Variants in WDR44 observed in about 807,000 individuals in gnomAD.
WDR44 encodes the protein WD repeat domain 44, also known as WD repeat-containing protein 44.
Under a neutral mutation model 65.7 loss-of-function variants are expected in WDR44, and 9 were observed. That is an observed-to-expected ratio of 0.14 (90% CI 0.08 to 0.24). WDR44 has a LOEUF of 0.24. Ranked by LOEUF, WDR44 falls within the 10% of genes least tolerant of loss-of-function variation. WDR44 has a pLI of 1.00. For missense variants in WDR44, 425 were observed against 670.9 expected (o/e 0.63, Z 4.05); for synonymous variants, 220 against 235.2 (o/e 0.94, Z 0.59).
At chrX:118,420,419 A>C (rs1202458374) in intron 12 of WDR44, among the ~76,000 whole-genome samples, 1 of 109,395 alleles carries the variant, frequency 9.1e-6, no homozygotes, top group Non-Finnish European at 1.9e-5. Flanking sequence ...TGCCCAGCTA[A>C]TTTTTGTGTT....
At chrX:118,382,759 A>G (rs536969197) in intron 2 of WDR44, among the ~76,000 whole-genome samples, 1 of 112,223 alleles carries the variant, frequency 8.9e-6, no homozygotes, top group African/African-American at 3.2e-5. Flanking sequence ...TAACTGTTAC[A>G]TGAATTGCTG....
At chrX:118,402,290 C>T (rs1477133661) in intron 8 of WDR44, among the ~76,000 whole-genome samples, 1 of 107,256 alleles carries the variant, frequency 9.3e-6, no homozygotes, top group Non-Finnish European at 1.9e-5. Flanking sequence ...AAAAAATTAG[C>T]TGGGCATGGT....
At chrX:118,424,295 ATG>A (rs2057132635) in intron 12 of WDR44, among the ~76,000 whole-genome samples, 1 of 64,046 alleles carries the variant, frequency 1.6e-5, no homozygotes, top group African/African-American at 1.3e-4. Flanking sequence ...GTGTGTGTGT[ATG>A]TGTATATATA....
chrX:118,380,765 A>G (rs181341007), intron 2 of WDR44, among the ~76,000 whole-genome samples: 1 of 112,267 alleles, frequency 8.9e-6, no homozygotes, highest in East Asian at 2.8e-4. Context: ...GTTAACTGCC[A>G]CAAGGGGTTT....
chrX:118,444,963 C>T, intron 19 of WDR44: 1 of 329,830 alleles, frequency 3.0e-6, no homozygotes, highest in Non-Finnish European at 5.9e-6. Flanking sequence ...TATATTTCCT[C>T]AAAGTTTTAC....
chrX:118,378,884 A>C (rs1358377488), intron 2 of WDR44, among the ~76,000 whole-genome samples: 1 of 104,663 alleles, frequency 9.6e-6, no homozygotes, highest in Admixed American at 1.1e-4. Context: ...AAAAAAAAAA[A>C]CACACAAAAA....
rs5956050 is a variant in WDR44, at chrX:118,393,057, C to G, written c.612C>G (p.Ala204=). The G allele has an allele frequency of 7.4e-6, 9 of 1,211,418 alleles. No homozygotes were observed. The highest frequency in any genetic ancestry group is 2.2e-5 in the Admixed American group (1 of 45,983). Residue 204 remains alanine (A), a synonymous_variant, in exon 4 of 20, where the codon GCC becomes GCG. Coordinates refer to ENST00000254029, the MANE Select transcript of WDR44 (RefSeq NM_019045.5). ...SSDSLSTKDF[A]AVEEVAPAKP... is the part of the protein sequence containing the mutation. The stretch of plus-strand genomic sequence containing the variant: ...ACTCCTTATCTACTAAAGATTTTGC[C>G]GCTGTGGAAGAAGTGGCCCCTGCCA...
At chrX:118,424,581 T>TA (rs1017497668) in intron 12 of WDR44, among the ~76,000 whole-genome samples, 1 of 109,632 alleles carries the variant, frequency 9.1e-6, no homozygotes, top group Non-Finnish European at 1.9e-5. Context: ...AGGGGTTTCT[T>TA]ACATATTTTA....
intron 15 of WDR44, among the ~76,000 whole-genome samples, chrX:118,441,837 T>A (rs2057307172): frequency 8.9e-6 from 1 of 111,859 alleles, no homozygotes; most frequent in Non-Finnish European, 1.9e-5. Flanking sequence ...ACCTCCTGGA[T>A]TCAAGTGATT....
intron 1 of WDR44, among the ~76,000 whole-genome samples, chrX:118,349,143 A>G (rs1431375928): frequency 8.9e-6 from 1 of 112,150 alleles, no homozygotes; most frequent in East Asian, 2.8e-4. Flanking sequence ...CTACTTTTCT[A>G]CAGTGGCAGA....
chrX:118,369,630 GA>G (rs2056594539), intron 1 of WDR44, among the ~76,000 whole-genome samples: 1 of 106,251 alleles, frequency 9.4e-6, no homozygotes, highest in African/African-American at 3.5e-5. Flanking sequence ...CACCACGCCT[GA>G]CTAATTTTTT....
At chrX:118,373,153 ATATAAAAC>A (rs2056629214) in intron 1 of WDR44, among the ~76,000 whole-genome samples, 1 of 111,277 alleles carries the variant, frequency 9.0e-6, no homozygotes, top group African/African-American at 3.3e-5. Context: ...GAGGAAGGAA[ATATAAAAC>A]TATAAAACAC....
intron 1 of WDR44, 52 bp downstream of exon 1, chrX:118,346,632 C>A: frequency 1.0e-6 from 1 of 989,260 alleles, no homozygotes. Context: ...CCCCCCGCAT[C>A]TCCTGTGTCT....
At chrX:118,364,209 A>G (rs1416932950) in intron 1 of WDR44, among the ~76,000 whole-genome samples, 1 of 112,591 alleles carries the variant, frequency 8.9e-6, no homozygotes, top group African/African-American at 3.2e-5. Flanking sequence ...ATCCATCAGT[A>G]AGCAGAAAAA....
At chrX:118,367,740 AT>A (rs1410864428) in intron 1 of WDR44, among the ~76,000 whole-genome samples, 6 of 111,706 alleles carry the variant, frequency 5.4e-5, no homozygotes, top group African/African-American at 1.6e-4. Flanking sequence ...TAATGGATTA[AT>A]TTAACCGATG....
At position 118,442,689 on chromosome X, in the gene WDR44, G is replaced by T. The variant is rs1209896900; in HGVS notation, c.2384+9G>T. The stretch of plus-strand genomic sequence containing the variant: ...ATCAAAGCAAGTTTCAGGTAAATTG[G>T]CAATGAGATGTTCCCAAAAGAGATC... On this transcript the variant is annotated intron_variant, in intron 17 of 19. Coordinates refer to ENST00000254029, the MANE Select transcript of WDR44 (RefSeq NM_019045.5). 6.8e-6 allele frequency: 8 copies of T among 1,168,886 alleles called. No individual in the cohort carries two copies. Among genetic ancestry groups the T allele is most frequent in the Non-Finnish European group, 8.2e-6 (7 of 857,007 alleles).
At chrX:118,365,599 T>G (rs988282087) in intron 1 of WDR44, among the ~76,000 whole-genome samples, 2 of 112,213 alleles carry the variant, frequency 1.8e-5, no homozygotes, top group Non-Finnish European at 3.8e-5. Context: ...ATCTGCAAAT[T>G]TAGTAGATAT....
intron 1 of WDR44, among the ~76,000 whole-genome samples, chrX:118,353,974 A>G (rs2056436490): frequency 8.9e-6 from 1 of 112,281 alleles, no homozygotes; most frequent in Non-Finnish European, 1.9e-5. Flanking sequence ...TAGCCCTTGA[A>G]TAAACAGGAA....
chrX:118,375,119 G>A (rs1218609429), intron 1 of WDR44, among the ~76,000 whole-genome samples: 1 of 111,387 alleles, frequency 9.0e-6, no homozygotes, highest in Non-Finnish European at 1.9e-5. Flanking sequence ...TGAATCAACA[G>A]CCAGAGAGTA....
Sources: allele counts gnomAD v4.1 joint callset (sites outside exome capture counted in the v4.1 genomes callset), GRCh38; gene constraint gnomAD v4.1.1; transcripts MANE v1.5; gene names NCBI Gene and HGNC (gene_info 2026-07-23, HGNC 2026-07-21).